Variants in SUMF1 observed in about 807,000 individuals in gnomAD.
The protein encoded by SUMF1 is formylglycine-generating enzyme.
In SUMF1, 48 loss-of-function variants were observed where a neutral mutation model predicts 47.6. That is an observed-to-expected ratio of 1.01 (90% CI 0.80 to 1.28). The LOEUF (loss-of-function observed/expected upper bound fraction) is 1.28. Ranked by LOEUF, SUMF1 falls within the 50% of genes most tolerant of loss-of-function variation. The probability of loss-of-function intolerance (pLI) is 0.00; values close to 1 mark genes in which losing one functional copy is unlikely to be tolerated. For missense variants in SUMF1, 571 were observed against 485.4 expected, an observed-to-expected ratio of 1.18 and a Z score of -1.66; for synonymous variants, 230 against 192.1, an observed-to-expected ratio of 1.20 and a Z score of -1.63.
intron 8 of SUMF1, among the ~76,000 whole-genome samples, chr3:4,248,381 G>A (rs1459384145): frequency 2.6e-5 from 4 of 152,188 alleles, no homozygotes; most frequent in South Asian, 2.1e-4. Context: ...TTAAAAACCA[G>A]TACCTCATTA....
At chr3:4,109,385 A>C (rs1449257654) in intron 8 of SUMF1, among the ~76,000 whole-genome samples, 1 of 152,044 alleles carries the variant, frequency 6.6e-6, no homozygotes, top group Non-Finnish European at 1.5e-5. Flanking sequence ...ACTTTGGTGA[A>C]TCTGACAATT....
At position 4,410,826 on chromosome 3, in the gene SUMF1, C is replaced by T. The variant is rs775121085; in HGVS notation, c.954+39G>A. 1.9e-6 allele frequency: 3 copies of T among 1,577,592 alleles called. No individual in the cohort carries two copies. The South Asian group carries it at 3.3e-5, about 17-fold the overall frequency. On this transcript the variant is annotated intron_variant, in intron 7 of 8. Coordinates refer to ENST00000272902, the MANE Select transcript of SUMF1 (RefSeq NM_182760.4). The stretch of plus-strand genomic sequence containing the variant: ...CTGCAGACTGCCCAGAGGACAGATG[C>T]CACCATTCCAAGACACATGCTCTGT...
intron 8 of SUMF1, among the ~76,000 whole-genome samples, chr3:4,115,136 A>G (rs1182549369): frequency 6.6e-6 from 1 of 151,984 alleles, no homozygotes; most frequent in East Asian, 1.9e-4. Flanking sequence ...CGAGAGGAGC[A>G]GAGGAGCGGA....
chr3:4,259,697 G>C (rs1346974382), intron 8 of SUMF1, among the ~76,000 whole-genome samples: 1 of 152,064 alleles, frequency 6.6e-6, no homozygotes, highest in East Asian at 1.9e-4. Flanking sequence ...AACTCTCTTT[G>C]CCTAGAGCTC....
At position 4,133,068 on chromosome 3, in the gene SUMF1, C is replaced by T. The variant is rs1303190264; in HGVS notation, c.1015-64323G>A. Among the ~76,000 whole-genome samples, 5 of 152,188 alleles carry T rather than the reference C, an allele frequency of 3.3e-5. No homozygotes were observed. The East Asian group carries it at 7.7e-4, about 23-fold the overall frequency. ...ATTGGAATAACGTAGTCATTAATAT[C>T]AGCTATGACCACATGACCAGCTGCA... is the stretch of plus-strand genomic sequence containing the variant. On this transcript the variant is annotated intron_variant and NMD_transcript_variant, in intron 8 of 12. Coordinates refer to the SUMF1 transcript ENST00000448413.
At chr3:4,041,527 C>A (rs897257977) in intron 9 of SUMF1, among the ~76,000 whole-genome samples, 2 of 152,126 alleles carry the variant, frequency 1.3e-5, no homozygotes, top group African/African-American at 4.8e-5. Context: ...AAGGAAGTGC[C>A]ACATAAAAGC....
At chr3:4,192,134 T>A (rs1301303509) in intron 8 of SUMF1, among the ~76,000 whole-genome samples, 1 of 152,042 alleles carries the variant, frequency 6.6e-6, no homozygotes, top group Non-Finnish European at 1.5e-5. Context: ...GTCACAGCTG[T>A]CTCCTGAAAG....
chr3:4,115,020 C>T (rs1693389870), intron 8 of SUMF1, among the ~76,000 whole-genome samples: 1 of 151,838 alleles, frequency 6.6e-6, no homozygotes, highest in Non-Finnish European at 1.5e-5. Context: ...GCTTTTGCCC[C>T]CAAATGTTGC....
intron 7 of SUMF1, among the ~76,000 whole-genome samples, chr3:4,402,612 A>G (rs572406792): frequency 4.6e-5 from 7 of 152,322 alleles, no homozygotes; most frequent in African/African-American, 1.7e-4. Context: ...TATATCAATG[A>G]CTTTAAAACA....
intron 8 of SUMF1, among the ~76,000 whole-genome samples, chr3:4,369,580 G>T (rs1389489122): frequency 6.6e-6 from 1 of 152,214 alleles, no homozygotes; most frequent in Non-Finnish European, 1.5e-5. Context: ...TGTCATTCTT[G>T]TCCCATAAAC....
intron 8 of SUMF1, among the ~76,000 whole-genome samples, chr3:4,195,300 T>C (rs554496082): frequency 9.2e-5 from 14 of 152,248 alleles, no homozygotes; most frequent in African/African-American, 2.6e-4. Flanking sequence ...TAAGTATCAG[T>C]AGCTAGGAGT....
intron 7 of SUMF1, among the ~76,000 whole-genome samples, chr3:4,384,330 A>G (rs1250355870): frequency 2.6e-5 from 4 of 152,200 alleles, no homozygotes; most frequent in Non-Finnish European, 1.5e-5. Flanking sequence ...GGTGTACTCT[A>G]TATCCAGTTT....
chr3:4,423,279 TAC>T (rs56729932), intron 3 of SUMF1, among the ~76,000 whole-genome samples: 24,011 of 147,008 alleles, frequency 0.16, 1,993 homozygotes, highest in East Asian at 0.23. Context: ...GAAACTGTGA[TAC>T]ACACACACAC....
At chr3:4,281,632 A>G (rs1697531090) in intron 8 of SUMF1, among the ~76,000 whole-genome samples, 1 of 152,198 alleles carries the variant, frequency 6.6e-6, no homozygotes, top group South Asian at 2.1e-4. Flanking sequence ...AAATAATTAG[A>G]AGAAGTAACA....
intron 8 of SUMF1, among the ~76,000 whole-genome samples, chr3:4,300,359 C>A (rs1258433699): frequency 1.3e-5 from 2 of 152,156 alleles, no homozygotes; most frequent in African/African-American, 4.8e-5. Context: ...AGCCATGAGC[C>A]AATTAAACCT....
At chr3:4,236,793 C>G (rs558784624) in intron 8 of SUMF1, among the ~76,000 whole-genome samples, 1 of 152,066 alleles carries the variant, frequency 6.6e-6, no homozygotes, top group Non-Finnish European at 1.5e-5. Context: ...AAGGTTCACC[C>G]TTAGTGTTGT....
chr3:4,151,181 T>C (rs1009509149), intron 8 of SUMF1, among the ~76,000 whole-genome samples: 8 of 149,952 alleles, frequency 5.3e-5, no homozygotes, highest in Admixed American at 4.0e-4. Context: ...CACACATACA[T>C]GCAAATATAT....
At chr3:4,405,218 C>T (rs751274377) in intron 7 of SUMF1, among the ~76,000 whole-genome samples, 5 of 152,178 alleles carry the variant, frequency 3.3e-5, no homozygotes, top group Admixed American at 1.3e-4. Flanking sequence ...GTGGCATCTG[C>T]AAGCATGAGT....
chr3:4,101,061 T>C (rs1693020556), intron 8 of SUMF1, among the ~76,000 whole-genome samples: 1 of 152,032 alleles, frequency 6.6e-6, no homozygotes, highest in Admixed American at 6.6e-5. Flanking sequence ...GGTGATATTA[T>C]AAATTCATAT....
Sources: gnomAD v4.1 joint callset for allele counts (sites outside exome capture counted in the v4.1 genomes callset) on GRCh38, gnomAD v4.1.1 for gene constraint, MANE v1.5 for transcripts, NCBI Gene and HGNC (gene_info 2026-07-23, HGNC 2026-07-21) for gene names.